UBAC2: variants seen among roughly 807,000 people sequenced by gnomAD.
UBAC2 encodes the protein UBA domain containing 2, also known as ubiquitin-associated domain-containing protein 2.
In UBAC2, 26 loss-of-function variants were observed where a neutral mutation model predicts 44.0. That is an observed-to-expected ratio of 0.59 (90% CI 0.43 to 0.82). UBAC2 has a LOEUF of 0.82. UBAC2 is among the 40% of genes least tolerant of loss of function. The pLI, the probability that UBAC2 is intolerant of heterozygous loss-of-function variation, is 0.00. For synonymous variants in UBAC2, 155 were observed against 154.3 expected (o/e 1.00, Z -0.04); for missense variants, 329 against 419.4 (o/e 0.78, Z 1.88).
chr13:99,333,920 A>G (rs907137794), intron 6 of UBAC2, among the ~76,000 whole-genome samples: 9 of 152,114 alleles, frequency 5.9e-5, no homozygotes, highest in Non-Finnish European at 1.2e-4. Context: ...ATGCATTTTC[A>G]TTATATTTTT....
At chr13:99,299,757 G>A (rs1347355707) in intron 4 of UBAC2, among the ~76,000 whole-genome samples, 4 of 152,058 alleles carry the variant, frequency 2.6e-5, no homozygotes, top group African/African-American at 4.8e-5. Context: ...TTTGCATTGT[G>A]TCATCATGTA....
chr13:99,203,282 C>T (rs374180692), intron 1 of UBAC2, among the ~76,000 whole-genome samples: 6 of 152,222 alleles, frequency 3.9e-5, no homozygotes, highest in Middle Eastern at 6.8e-3. Context: ...GTGGTCCTCC[C>T]GCCTCGGCCT....
At chr13:99,255,029 C>T in intron 4 of UBAC2, 1 of 1,614,104 alleles carries the variant, frequency 6.2e-7, no homozygotes, top group East Asian at 2.2e-5. Flanking sequence ...AGAATCACAT[C>T]CAGACACGTG....
chr13:99,361,500 A>G (rs2045264262), intron 7 of UBAC2, among the ~76,000 whole-genome samples: 1 of 152,200 alleles, frequency 6.6e-6, no homozygotes, highest in African/African-American at 2.4e-5. Flanking sequence ...AATGAAATGG[A>G]ACTCAAAGCC....
intron 1 of UBAC2, among the ~76,000 whole-genome samples, chr13:99,220,134 GA>G (rs2043038299): frequency 6.6e-6 from 1 of 152,186 alleles, no homozygotes; most frequent in Non-Finnish European, 1.5e-5. Flanking sequence ...GAACCAAAAA[GA>G]TATATCTTAA....
intron 1 of UBAC2, among the ~76,000 whole-genome samples, chr13:99,223,434 AT>A (rs1272005249): frequency 2.0e-5 from 3 of 149,344 alleles, no homozygotes; most frequent in Non-Finnish European, 4.5e-5. Flanking sequence ...AGTTTCATTG[AT>A]TTGTCTCTAT....
intron 4 of UBAC2, among the ~76,000 whole-genome samples, chr13:99,257,445 A>AT (rs1409399336): frequency 6.6e-6 from 1 of 152,172 alleles, no homozygotes; most frequent in African/African-American, 2.4e-5. Context: ...ATTTTGTGAC[A>AT]TAAGTCCTGT....
chr13:99,255,291 A>G (rs1236150884), intron 4 of UBAC2: 1 of 1,614,156 alleles, frequency 6.2e-7, no homozygotes, highest in Non-Finnish European at 8.5e-7. Context: ...TCAAGAAAAA[A>G]AATGTCAGTC....
At chr13:99,365,070 T>C (rs1398623599) in intron 7 of UBAC2, among the ~76,000 whole-genome samples, 2 of 152,240 alleles carry the variant, frequency 1.3e-5, no homozygotes, top group Non-Finnish European at 2.9e-5. Flanking sequence ...TTTTAATAAG[T>C]TATACTTTTC....
chr13:99,365,412 C>CT (rs2045317561), intron 7 of UBAC2, among the ~76,000 whole-genome samples: 1 of 151,934 alleles, frequency 6.6e-6, no homozygotes, highest in Admixed American at 6.6e-5. Context: ...TTTCAGTTTT[C>CT]TTTTTTTAAT....
At chr13:99,307,180 A>G (rs1489594166) in intron 4 of UBAC2, among the ~76,000 whole-genome samples, 5 of 152,228 alleles carry the variant, frequency 3.3e-5, no homozygotes, top group Admixed American at 6.5e-5. Context: ...ACCAGTCAGC[A>G]GAGAGAGTAA....
chr13:99,385,644 A>G lies in UBAC2; in HGVS notation c.*309A>G. On this transcript the variant is annotated 3_prime_UTR_variant, in exon 9 of 9. Transcript: ENST00000403766. ...ATGGAAGATTTCTGCAGGCAGTTGA[A>G]TGGCACTCCAGATGGGGAATTGCTG... 3.1e-6 allele frequency: 1 copy of G among 322,588 alleles called. No individual in the cohort carries two copies. The highest frequency in any genetic ancestry group is 5.9e-6 in the Non-Finnish European group (1 of 169,952). 20.0% of individuals were successfully genotyped at this position (322,588 alleles called of 1,614,324 possible). A position where few individuals can be genotyped will look rare whatever the true frequency, so the allele number is the denominator to read the frequency against.
chr13:99,349,681 T>A (rs61974212), intron 7 of UBAC2, among the ~76,000 whole-genome samples: 1 of 152,194 alleles, frequency 6.6e-6, no homozygotes, highest in Non-Finnish European at 1.5e-5. Context: ...TATGCACTTA[T>A]AAGAAAGATC....
At chr13:99,245,590 A>G (rs1032150909) in intron 4 of UBAC2, among the ~76,000 whole-genome samples, 13 of 152,208 alleles carry the variant, frequency 8.5e-5, no homozygotes, top group African/African-American at 2.4e-4. Context: ...GCGGTGGCTC[A>G]TGCCACCTTT....
At chr13:99,347,412 G>T (rs1370158604) in intron 7 of UBAC2, among the ~76,000 whole-genome samples, 1 of 146,734 alleles carries the variant, frequency 6.8e-6, no homozygotes, top group Non-Finnish European at 1.5e-5. Flanking sequence ...TTTGAAAGGG[G>T]CTTCGGTGGA....
rs1172246238 is a variant in UBAC2 at position 99,243,897 on chromosome 13, G to C, written c.225G>C (p.Leu75=). ...TGAAAGATACTTTCTGCAGTAGTCTGCTTATTTATAATTTTAGGATATTTG... is the reference window on the plus strand; with the variant it reads ...TGAAAGATACTTTCTGCAGTAGTCTCCTTATTTATAATTTTAGGATATTTG... The part of the protein sequence containing the change: ...LDLKDTFCSS[L]LIYNFRIFER... Residue 75 remains leucine, a synonymous_variant, in exon 3 of 9, where the codon CTG becomes CTC. Transcript: ENST00000403766. 1.3e-6 allele frequency: 2 copies of C among 1,560,764 alleles called. No homozygotes were observed. The highest frequency in any genetic ancestry group is 2.7e-5 in the African/African-American group (2 of 73,460).
chr13:99,221,526 G>C (rs1255012830), intron 1 of UBAC2, among the ~76,000 whole-genome samples: 1 of 152,208 alleles, frequency 6.6e-6, no homozygotes, highest in Non-Finnish European at 1.5e-5. Flanking sequence ...CACTGTTTCA[G>C]TGTACTCAGC....
rs770292622 is a variant in UBAC2, at chr13:99,332,753, C to T, written c.562-7567C>T. 4.6e-5 allele frequency among the ~76,000 whole-genome samples: 7 copies of T among 152,322 alleles called. 1 individual carries two copies. Among genetic ancestry groups the T allele is most frequent in the Middle Eastern group, 6.8e-3 (2 of 294 alleles). Reference sequence around the variant, plus strand: ...CTGACCCCTTGCCTGCCGGAGACTGCGCCACTGCTGCCTTCTTTTTCAGTG... The same window carrying T: ...CTGACCCCTTGCCTGCCGGAGACTGTGCCACTGCTGCCTTCTTTTTCAGTG... On this transcript the variant is annotated intron_variant, in intron 6 of 8. Transcript: ENST00000403766.
chr13:99,262,390 A>G (rs1480542694), intron 4 of UBAC2, among the ~76,000 whole-genome samples: 1 of 152,146 alleles, frequency 6.6e-6, no homozygotes, highest in East Asian at 1.9e-4. Flanking sequence ...ACCTAGTAAT[A>G]TGAGGAAGTG....
Sources: gnomAD v4.1 joint callset for allele counts (sites outside exome capture counted in the v4.1 genomes callset) on GRCh38, gnomAD v4.1.1 for gene constraint, MANE v1.5 for transcripts, NCBI Gene and HGNC (gene_info 2026-07-23, HGNC 2026-07-21) for gene names.